CPLX2: variants seen among roughly 807,000 people sequenced by gnomAD.
The protein encoded by CPLX2 is complexin 2, also known as complexin-2.
In CPLX2, 5 loss-of-function variants were observed where a neutral mutation model predicts 16.3. That is an observed-to-expected ratio of 0.31 (90% CI 0.16 to 0.64). CPLX2 has a LOEUF of 0.64. CPLX2 is among the 30% of genes least tolerant of loss of function. The pLI is 0.79. For missense variants in CPLX2, 144 were observed against 181.4 expected, an observed-to-expected ratio of 0.79 and a Z score of 1.18; for synonymous variants, 89 against 73.2, an observed-to-expected ratio of 1.22 and a Z score of -1.10.
At chr5:175,846,256 G>C (rs1289905862) in intron 2 of CPLX2, among the ~76,000 whole-genome samples, 1 of 152,122 alleles carries the variant, frequency 6.6e-6, no homozygotes, top group Admixed American at 6.5e-5. Context: ...AGTTCTCCCT[G>C]CCCTGTAGGT....
At chr5:175,843,986 C>T (rs1295740273) in intron 2 of CPLX2, among the ~76,000 whole-genome samples, 1 of 152,254 alleles carries the variant, frequency 6.6e-6, no homozygotes, top group African/African-American at 2.4e-5. Flanking sequence ...TGGGGCCTTG[C>T]CCATGTGGGG....
At chr5:175,842,659 C>T (rs1341545061) in intron 2 of CPLX2, among the ~76,000 whole-genome samples, 1 of 152,238 alleles carries the variant, frequency 6.6e-6, no homozygotes, top group African/African-American at 2.4e-5. Flanking sequence ...CTGGCCCCAG[C>T]CAGGCCCTCT....
At chr5:175,820,078 A>G (rs1467161659) in intron 2 of CPLX2, among the ~76,000 whole-genome samples, 1 of 152,146 alleles carries the variant, frequency 6.6e-6, no homozygotes, top group East Asian at 1.9e-4. Context: ...CCCCAGCCTG[A>G]GACTGTGTTG....
At chr5:175,800,012 C>T (rs181525768) in intron 1 of CPLX2, among the ~76,000 whole-genome samples, 5 of 152,226 alleles carry the variant, frequency 3.3e-5, no homozygotes, top group Admixed American at 1.3e-4. Flanking sequence ...GCATATGAGG[C>T]CTTCCTTTTC....
intron 2 of CPLX2, among the ~76,000 whole-genome samples, chr5:175,835,685 G>A (rs1049534239): frequency 6.9e-5 from 10 of 145,282 alleles, no homozygotes; most frequent in Non-Finnish European, 1.5e-4. Context: ...AGTAAGAGAA[G>A]TCTTTGTTGT....
intron 1 of CPLX2, among the ~76,000 whole-genome samples, chr5:175,798,521 C>G (rs2434236): frequency 0.59 from 89,500 of 151,882 alleles, 27,198 homozygotes; most frequent in East Asian, 0.85. Context: ...AAGGAAAGAC[C>G]AGGAAAATGA....
chr5:175,859,867 C>T (rs957648135), intron 2 of CPLX2, among the ~76,000 whole-genome samples: 3 of 152,134 alleles, frequency 2.0e-5, no homozygotes, highest in Non-Finnish European at 4.4e-5. Flanking sequence ...TTGGACCTGC[C>T]TGATAAGAAG....
In CPLX2 at chr5:175,825,937, CAAAAA is replaced by C. The variant is rs35250246; in HGVS notation, c.-89+16887_-89+16891del. ...GGAAGTGGTTTTAAATGAATAAGTG[CAAAAA>C]AAAAAAAAAAAAAAAAAGCCTGGTA... On this transcript the variant is annotated intron_variant, in intron 2 of 4. Transcript: ENST00000359546. 4.1e-4 allele frequency among the ~76,000 whole-genome samples: 18 copies of C among 44,420 alleles called. No individual in the cohort carries two copies. The South Asian group carries it at 5.0e-3, about 12-fold the overall frequency. The allele number at this position is 44,420 out of a possible 152,430, so 29.1% of individuals were successfully genotyped here.
chr5:175,831,013 T>C (rs1581081041), intron 2 of CPLX2, among the ~76,000 whole-genome samples: 2 of 152,158 alleles, frequency 1.3e-5, no homozygotes, highest in Non-Finnish European at 2.9e-5. Context: ...GGCAGCTGAG[T>C]GTCTCCATAT....
At position 175,880,211 on chromosome 5, in the gene CPLX2, C is replaced by T. The variant is rs1235051964; in HGVS notation, c.*166C>T. 9.3e-6 allele frequency: 7 copies of T among 752,546 alleles called. 1 individual carries two copies. Among genetic ancestry groups the T allele is most frequent in the African/African-American group, 5.2e-5 (3 of 58,012 alleles). The allele number at this position is 752,546 out of a possible 1,614,324, so 46.6% of individuals were successfully genotyped here. On this transcript the variant is annotated 3_prime_UTR_variant, in exon 4 of 4. Transcript: ENST00000393745. ...CCCCTCAGCTCTCCCTCACACCTCCCTTCATCCCAGGGTATCCACCTGCAC... is the reference window on the plus strand; with the variant it reads ...CCCCTCAGCTCTCCCTCACACCTCCTTTCATCCCAGGGTATCCACCTGCAC...
intron 3 of CPLX2, 68 bp downstream of exon 3, chr5:175,879,151 C>T: frequency 1.4e-6 from 2 of 1,459,064 alleles, no homozygotes; most frequent in Non-Finnish European, 1.8e-6. Context: ...AGCTAAAGCC[C>T]CTGCTGGGGC....
chr5:175,855,716 G>A (rs761294180), intron 2 of CPLX2, among the ~76,000 whole-genome samples: 3 of 152,076 alleles, frequency 2.0e-5, no homozygotes, highest in Admixed American at 1.3e-4. Flanking sequence ...TTTTCAGGAC[G>A]AGCCCCAGGA....
intron 2 of CPLX2, among the ~76,000 whole-genome samples, chr5:175,856,060 A>G (rs1002323945): frequency 2.0e-5 from 3 of 152,198 alleles, no homozygotes; most frequent in Non-Finnish European, 2.9e-5. Flanking sequence ...TGGTTCCAGA[A>G]GGACAGATAG....
In CPLX2 at chr5:175,809,784, T is replaced by C. The variant is rs952006320; in HGVS notation, c.-89+716T>C. Reference sequence around the variant, plus strand: ...ACGACCAGTAATCCAGTGTGCATAGTTGTAAACTTGTTTCTTTAAATAAAC... The same window carrying C: ...ACGACCAGTAATCCAGTGTGCATAGCTGTAAACTTGTTTCTTTAAATAAAC... On this transcript the variant is annotated intron_variant, in intron 2 of 4. Coordinates refer to the CPLX2 transcript ENST00000359546. This position sits in a 1 kb window ranked among gnomAD's most constrained non-coding sequence, Gnocchi z 4.4. Among the ~76,000 whole-genome samples, 3 of 152,224 alleles carry C rather than the reference T, an allele frequency of 2.0e-5. No individual in the cohort carries two copies. The highest frequency in any genetic ancestry group is 4.4e-5 in the Non-Finnish European group (3 of 68,038).
intron 2 of CPLX2, among the ~76,000 whole-genome samples, chr5:175,864,499 C>T (rs1055137650): frequency 2.0e-5 from 3 of 152,200 alleles, no homozygotes; most frequent in South Asian, 2.1e-4. Context: ...TGACTGTTTG[C>T]GGGCATCTGT....
At chr5:175,860,585 G>GGGAAGGAAAGAA (rs1759353033) in intron 2 of CPLX2, among the ~76,000 whole-genome samples, 1 of 95,610 alleles carries the variant, frequency 1.0e-5, no homozygotes, top group Non-Finnish European at 2.1e-5. Context: ...GAGGGAGGGA[G>GGGAAGGAAAGAA]GGAAGGAAGG....
chr5:175,810,790 G>A (rs1241417415), intron 2 of CPLX2, among the ~76,000 whole-genome samples: 7 of 152,186 alleles, frequency 4.6e-5, no homozygotes, highest in Non-Finnish European at 4.4e-5. Context: ...GGCTTTTTGT[G>A]AAAGTCTCGC....
chr5:175,867,836 G>GAT, upstream of CPLX2, among the ~76,000 whole-genome samples: 1 of 152,186 alleles, frequency 6.6e-6, no homozygotes. Flanking sequence ...CACACTTATG[G>GAT]GTTTGCCCTC....
At chr5:175,826,818 G>A (rs573563309) in intron 2 of CPLX2, among the ~76,000 whole-genome samples, 1 of 152,306 alleles carries the variant, frequency 6.6e-6, no homozygotes, top group South Asian at 2.1e-4. Context: ...TTGTATTCTT[G>A]AGCTGGTCAA....
Sources: gnomAD v4.1 joint callset for allele counts (sites outside exome capture counted in the v4.1 genomes callset) on GRCh38, gnomAD v4.1.1 for gene constraint, Gnocchi (gnomAD v3.1) non-coding constraint, MANE v1.5 for transcripts, NCBI Gene and HGNC (gene_info 2026-07-23, HGNC 2026-07-21) for gene names.